Variants in LDLRAD4 observed in about 807,000 individuals in gnomAD.
LDLRAD4 encodes low-density lipoprotein receptor class A domain-containing protein 4.
A neutral mutation model predicts 17.0 loss-of-function variants in LDLRAD4; 5 were observed. That is an observed-to-expected ratio of 0.29 (90% CI 0.15 to 0.62). The LOEUF (loss-of-function observed/expected upper bound fraction) is 0.62. Ranked by LOEUF, LDLRAD4 falls within the 20% of genes least tolerant of loss-of-function variation. LDLRAD4 has a pLI of 0.84. For synonymous variants in LDLRAD4, 168 were observed against 171.8 expected, an observed-to-expected ratio of 0.98 and a Z score of 0.17; for missense variants, 340 against 424.7, an observed-to-expected ratio of 0.80 and a Z score of 1.75.
chr18:13,274,673 G>GT (rs1334641657), upstream of LDLRAD4, among the ~76,000 whole-genome samples: 38 of 146,982 alleles, frequency 2.6e-4, no homozygotes, highest in Admixed American at 2.5e-3. Flanking sequence ...AATGAATAAA[G>GT]TTTTTCTTTT....
At chr18:13,598,586 T>C (rs988183011) in intron 3 of LDLRAD4, among the ~76,000 whole-genome samples, 3 of 152,236 alleles carry the variant, frequency 2.0e-5, no homozygotes, top group African/African-American at 4.8e-5. Context: ...CTCTGTAAAA[T>C]TGCTGACCTA....
chr18:13,461,646 G>A (rs952215898), intron 3 of LDLRAD4, among the ~76,000 whole-genome samples: 6 of 152,168 alleles, frequency 3.9e-5, no homozygotes, highest in Admixed American at 3.9e-4. Context: ...TTTCCCATTG[G>A]TTACTTGGTG....
chr18:13,514,236 G>A (rs570459282), intron 3 of LDLRAD4, among the ~76,000 whole-genome samples: 1 of 152,194 alleles, frequency 6.6e-6, no homozygotes, highest in Non-Finnish European at 1.5e-5. Flanking sequence ...TCTGTGAACT[G>A]TGACCTTGGA....
At chr18:13,491,551 T>G (rs1293245806) in intron 3 of LDLRAD4, 1 of 152,250 alleles carries the variant, frequency 6.6e-6, no homozygotes, top group Non-Finnish European at 1.5e-5. Flanking sequence ...TGAATCTAGT[T>G]TCTGTCTGTT....
chr18:13,542,037 C>T (rs561041860), intron 3 of LDLRAD4, among the ~76,000 whole-genome samples: 6 of 152,252 alleles, frequency 3.9e-5, no homozygotes, highest in Middle Eastern at 3.4e-3. Context: ...GATCATGCCA[C>T]CGCACTCCAG....
intron 1 of LDLRAD4, among the ~76,000 whole-genome samples, chr18:13,246,956 A>G (rs1463827932): frequency 2.0e-5 from 3 of 147,836 alleles, no homozygotes; most frequent in African/African-American, 7.4e-5. Flanking sequence ...TTTTTTTTTT[A>G]AATTTCCTAA....
At chr18:13,625,759 T>A in intron 4 of LDLRAD4, among the ~76,000 whole-genome samples, 1 of 15,114 alleles carries the variant, frequency 6.6e-5, no homozygotes. Flanking sequence ...CTCCTCCCCC[T>A]GCCACCACCC....
At chr18:13,408,373 C>CAA (rs1409612495) in intron 2 of LDLRAD4, among the ~76,000 whole-genome samples, 4 of 51,878 alleles carry the variant, frequency 7.7e-5, no homozygotes, top group Admixed American at 1.8e-4. Flanking sequence ...GACCCTGTCT[C>CAA]AAAAAAAAAA....
At chr18:13,492,692 A>G (rs976947573) in intron 3 of LDLRAD4, among the ~76,000 whole-genome samples, 2 of 152,174 alleles carry the variant, frequency 1.3e-5, no homozygotes, top group East Asian at 1.9e-4. Flanking sequence ...TGCTCAGAAG[A>G]TGGAGCTCTC....
At chr18:13,359,061 C>T (rs1386918903) in intron 1 of LDLRAD4, among the ~76,000 whole-genome samples, 1 of 152,194 alleles carries the variant, frequency 6.6e-6, no homozygotes, top group Non-Finnish European at 1.5e-5. Flanking sequence ...GCTTTTCAGG[C>T]TGTGTTCCTA....
chr18:13,330,848 C>CA (rs780382495), intron 1 of LDLRAD4, among the ~76,000 whole-genome samples: 28 of 152,130 alleles, frequency 1.8e-4, no homozygotes, highest in Non-Finnish European at 2.9e-4. Flanking sequence ...TTAAGTTGAT[C>CA]ACCAGTGGCC....
At chr18:13,453,220 G>A (rs890475) in intron 3 of LDLRAD4, among the ~76,000 whole-genome samples, 141,348 of 152,244 alleles carry the variant, frequency 0.93, 65,807 homozygotes, top group East Asian at 1. Context: ...CTGTGGTTGC[G>A]TGCACGTGCT....
chr18:13,304,655 A>G (rs1376466070), intron 1 of LDLRAD4, among the ~76,000 whole-genome samples: 1 of 152,228 alleles, frequency 6.6e-6, no homozygotes, highest in Non-Finnish European at 1.5e-5. Flanking sequence ...TGGCAACATC[A>G]GCCCTTTTGA....
At chr18:13,279,722 A>G (rs1223655076) in intron 1 of LDLRAD4, 4 of 152,258 alleles carry the variant, frequency 2.6e-5, no homozygotes, top group Non-Finnish European at 5.9e-5. Context: ...TTTTAAATTA[A>G]ATACAGAGCT....
chr18:13,437,161 C>T (rs2090719149), intron 2 of LDLRAD4, among the ~76,000 whole-genome samples: 2 of 152,218 alleles, frequency 1.3e-5, no homozygotes, highest in South Asian at 4.1e-4. Flanking sequence ...GGACCTTGGA[C>T]TTGATCCAGG....
chr18:13,543,529 A>G (rs1051901836), intron 3 of LDLRAD4: 1 of 152,254 alleles, frequency 6.6e-6, no homozygotes. Context: ...AACAAGCTGA[A>G]TTGAAGAATA....
chr18:13,521,632 G>C (rs558024520), intron 3 of LDLRAD4: 1 of 152,140 alleles, frequency 6.6e-6, no homozygotes, highest in East Asian at 1.9e-4. Flanking sequence ...AGCAGTTGCT[G>C]CATTTGATTT....
At chr18:13,512,772 C>T (rs748873436) in intron 3 of LDLRAD4, among the ~76,000 whole-genome samples, 2 of 152,322 alleles carry the variant, frequency 1.3e-5, no homozygotes, top group Non-Finnish European at 2.9e-5. Flanking sequence ...TTTGGGATAA[C>T]TAGGTTCCGA....
rs375599700 is a variant in LDLRAD4 at position 13,645,161 on chromosome 18, C to T, written c.425C>T (p.Thr142Ile). The change falls in exon 6 of 6, where the codon ACA (threonine) becomes ATA (isoleucine). Residue 142 changes from threonine (T) to isoleucine (I), a missense_variant. Transcript: ENST00000359446. This position sits in a 1 kb window ranked among gnomAD's most constrained non-coding sequence, Gnocchi z 5.7. ...GCCCCGCGGTCCAGGGACAGGTTCA[C>T]AGCGCCGTCCTTCATCCAGAGGGAT... The T allele has an allele frequency of 2.4e-5, 38 of 1,613,704 alleles. No homozygotes were observed. The highest frequency in any genetic ancestry group is 3.2e-5 in the Non-Finnish European group (38 of 1,179,800).
Sources: gnomAD v4.1 joint callset for allele counts (sites outside exome capture counted in the v4.1 genomes callset) on GRCh38, gnomAD v4.1.1 for gene constraint, Gnocchi (gnomAD v3.1) non-coding constraint, MANE v1.5 for transcripts, NCBI Gene and HGNC (gene_info 2026-07-23, HGNC 2026-07-21) for gene names.